COL5A2: variants seen among roughly 807,000 people sequenced by gnomAD.
COL5A2 encodes the protein collagen alpha-2(V) chain.
COL5A2 carries 23 observed loss-of-function variants against 208.2 expected under a neutral mutation model. The ratio of observed to expected loss-of-function variants is 0.11; its 90% confidence interval spans 0.08 to 0.16. COL5A2 has a LOEUF of 0.16. Ranked by LOEUF, COL5A2 falls within the 10% of genes least tolerant of loss-of-function variation. The probability of loss-of-function intolerance (pLI) is 1.00; values close to 1 mark genes in which losing one functional copy is unlikely to be tolerated. For synonymous variants in COL5A2, 625 were observed against 628.5 expected (o/e 0.99, Z 0.08); for missense variants, 1,590 against 1,956.4 (o/e 0.81, Z 3.53).
chr2:189,075,288 C>A, intron 17 of COL5A2, 105 bp downstream of exon 17: 1 of 788,040 alleles, frequency 1.3e-6, no homozygotes, highest in Non-Finnish European at 2.2e-6. Flanking sequence ...ACTTTTTATT[C>A]CAAGTGTCTG....
the COL5A2 span, among the ~76,000 whole-genome samples, chr2:189,362,844 C>G: frequency 6.6e-6 from 1 of 151,800 alleles, no homozygotes; most frequent in Non-Finnish European, 1.5e-5. Context: ...ATGTCTAATA[C>G]TGATGAGAAT....
At chr2:189,158,265 C>T (rs542093769) in intron 1 of COL5A2, among the ~76,000 whole-genome samples, 25 of 151,892 alleles carry the variant, frequency 1.6e-4, no homozygotes, top group African/African-American at 5.8e-4. Context: ...AATATTAAGC[C>T]AAAACATTTT....
At chr2:189,184,987 A>G (rs1056608816) in intron 1 of COL5A2, among the ~76,000 whole-genome samples, 2 of 152,152 alleles carry the variant, frequency 1.3e-5, no homozygotes, top group African/African-American at 2.4e-5. Context: ...GAAATCAACA[A>G]AGCGTTGTTA....
In COL5A2 at chr2:189,109,304, T is replaced by C. The variant is rs555083667; in HGVS notation, c.322+921A>G. 3.3e-5 allele frequency among the ~76,000 whole-genome samples: 5 copies of C among 152,278 alleles called. No homozygotes were observed. The South Asian group carries it at 1.0e-3, about 32-fold the overall frequency. ...GTCTTGGTTTTAATTCTTTCTTTTATATATTTCTTATTACATTACTGAAAA... is the reference window on the plus strand; with the variant it reads ...GTCTTGGTTTTAATTCTTTCTTTTACATATTTCTTATTACATTACTGAAAA... On this transcript the variant is annotated intron_variant, in intron 2 of 53. Coordinates refer to ENST00000374866, the MANE Select transcript of COL5A2 (RefSeq NM_000393.5).
the COL5A2 span, among the ~76,000 whole-genome samples, chr2:189,322,284 A>C: frequency 6.6e-6 from 1 of 152,216 alleles, no homozygotes; most frequent in Non-Finnish European, 1.5e-5. Context: ...AAGCAAGAGC[A>C]AACACATTCA....
At chr2:189,277,941 G>A in the COL5A2 span, among the ~76,000 whole-genome samples, 32 of 152,160 alleles carry the variant, frequency 2.1e-4, no homozygotes, top group African/African-American at 6.7e-4. Context: ...GAGGTCAATA[G>A]TGCCCCCAGA....
chr2:189,187,397 T>A (rs1466092039), intron 1 of COL5A2, among the ~76,000 whole-genome samples: 1 of 152,198 alleles, frequency 6.6e-6, no homozygotes, highest in Non-Finnish European at 1.5e-5. Context: ...GTGGTGATTA[T>A]GAGCCAGACA....
At chr2:189,122,628 TG>T (rs1391573288) in intron 1 of COL5A2, among the ~76,000 whole-genome samples, 1 of 152,236 alleles carries the variant, frequency 6.6e-6, no homozygotes, top group Non-Finnish European at 1.5e-5. Flanking sequence ...CTTATTGGTT[TG>T]TTTGCATGTA....
chr2:189,312,139 C>T, the COL5A2 span, among the ~76,000 whole-genome samples: 8 of 152,228 alleles, frequency 5.3e-5, no homozygotes, highest in South Asian at 1.5e-3. Context: ...CTCAGGTCCT[C>T]GATGGTCTTG....
chr2:189,426,713 A>G, the COL5A2 span, among the ~76,000 whole-genome samples: 1 of 152,246 alleles, frequency 6.6e-6, no homozygotes, highest in Non-Finnish European at 1.5e-5. Flanking sequence ...ATGCTTTAGC[A>G]AAGAATCTGG....
rs569845602 is a variant in COL5A2, at chr2:189,065,459, G to A, written c.1564-402C>T. On this transcript the variant is annotated intron_variant, in intron 23 of 53. Transcript: ENST00000374866. ...CACAAGAATTTCTTGAACCTTGGAC[G>A]CAGAGGTTGCAGTGAGCCAAGATGG... is the stretch of plus-strand genomic sequence containing the variant. 9.2e-5 allele frequency among the ~76,000 whole-genome samples: 14 copies of A among 152,112 alleles called. No individual in the cohort carries two copies. The East Asian group carries it at 1.2e-3, about 13-fold the overall frequency.
chr2:189,074,247 A>C (rs2105619165), intron 17 of COL5A2, among the ~76,000 whole-genome samples: 1 of 152,210 alleles, frequency 6.6e-6, no homozygotes, highest in African/African-American at 2.4e-5. Context: ...ATTATTACAG[A>C]AAAGAGCTCA....
At chr2:189,078,490 G>A (rs1162779393) in intron 16 of COL5A2, 26 bp downstream of exon 16, 1 of 1,568,144 alleles carries the variant, frequency 6.4e-7, no homozygotes, top group Non-Finnish European at 8.8e-7. Context: ...CATCTCAGCA[G>A]TATAAGTAAA....
At chr2:189,316,117 C>A in the COL5A2 span, among the ~76,000 whole-genome samples, 1 of 152,050 alleles carries the variant, frequency 6.6e-6, no homozygotes, top group African/African-American at 2.4e-5. Flanking sequence ...TTGCTATATA[C>A]CTAAGGAAGA....
the COL5A2 span, among the ~76,000 whole-genome samples, chr2:189,400,832 G>A: frequency 1.3e-5 from 2 of 152,118 alleles, no homozygotes; most frequent in African/African-American, 2.4e-5. Flanking sequence ...AACATAAACT[G>A]CACGTGTAAA....
intron 1 of COL5A2, among the ~76,000 whole-genome samples, chr2:189,203,715 CTT>C (rs1170829177): frequency 6.6e-6 from 1 of 152,192 alleles, no homozygotes; most frequent in East Asian, 1.9e-4. Context: ...ACTGGTGACT[CTT>C]TAGCCTAAAA....
chr2:189,088,890 T>C lies in COL5A2; in HGVS notation c.568-118A>G, dbSNP rs2105658818. ...TATAGAATGACTCTTCTGAGAATCA[T>C]TCTAAGTGCTTGACTTTAAAGCCTG... On this transcript the variant is annotated intron_variant, in intron 7 of 53. Coordinates refer to ENST00000374866, the MANE Select transcript of COL5A2 (RefSeq NM_000393.5). The C allele has an allele frequency of 3.5e-6, 3 of 846,434 alleles. No individual in the cohort carries two copies. In the South Asian group the frequency reaches 4.2e-5, roughly 12 times the overall value. The allele number at this position is 846,434 out of a possible 1,614,324, so 52.4% of individuals were successfully genotyped here. A position where few individuals can be genotyped will look rare whatever the true frequency, so the allele number is the denominator to read the frequency against.
chr2:189,040,594 C>T (rs1357181933), intron 50 of COL5A2, among the ~76,000 whole-genome samples: 1 of 152,150 alleles, frequency 6.6e-6, no homozygotes, highest in East Asian at 1.9e-4. Context: ...TGTTATATGG[C>T]TCCAGACAAG....
intron 4 of COL5A2, 60 bp downstream of exon 4, chr2:189,100,047 T>C: frequency 1.5e-6 from 2 of 1,375,632 alleles, no homozygotes; most frequent in Admixed American, 3.4e-5. Context: ...TAATATACAA[T>C]TATACTATAA....
Sources: gnomAD v4.1 joint callset for allele counts (sites outside exome capture counted in the v4.1 genomes callset) on GRCh38, gnomAD v4.1.1 for gene constraint, MANE v1.5 for transcripts, NCBI Gene and HGNC (gene_info 2026-07-23, HGNC 2026-07-21) for gene names.